TMEM117: variants seen among roughly 807,000 people sequenced by gnomAD.
TMEM117 encodes transmembrane protein 117.
In TMEM117, 27 loss-of-function variants were observed where a neutral mutation model predicts 52.4. The ratio of observed to expected loss-of-function variants is 0.51; its 90% CI spans 0.38 to 0.71. TMEM117 has a LOEUF of 0.71. Ranked by LOEUF, TMEM117 falls within the 30% of genes least tolerant of loss-of-function variation. The probability of loss-of-function intolerance (pLI) is 0.00; values close to 1 mark genes in which losing one functional copy is unlikely to be tolerated. For missense variants in TMEM117, 556 were observed against 630.5 expected (o/e 0.88, Z 1.26); for synonymous variants, 215 against 206.3 (o/e 1.04, Z -0.36).
chr12:44,136,765 T>A (rs905750722), intron 3 of TMEM117, among the ~76,000 whole-genome samples: 17 of 152,152 alleles, frequency 1.1e-4, no homozygotes, highest in Admixed American at 1.0e-3. Flanking sequence ...TTACAGCATG[T>A]GTTGCAGAAA....
intron 6 of TMEM117, among the ~76,000 whole-genome samples, chr12:44,351,924 T>C (rs1179196309): frequency 6.6e-6 from 1 of 151,960 alleles, no homozygotes; most frequent in Non-Finnish European, 1.5e-5. Context: ...CATTAGTAGA[T>C]ATATCACCAT....
intron 3 of TMEM117, among the ~76,000 whole-genome samples, chr12:44,106,118 A>G (rs1409893220): frequency 6.6e-6 from 1 of 151,888 alleles, no homozygotes; most frequent in Admixed American, 6.6e-5. Flanking sequence ...TTCTGTATTC[A>G]CCTGTCTGTC....
the TMEM117 span, chr12:43,797,040 G>C: frequency 3.7e-5 from 59 of 1,611,304 alleles, no homozygotes; most frequent in Admixed American, 6.7e-5. Context: ...CTTGCAGCTA[G>C]AATACAGCAT....
At chr12:43,827,956 G>A in the TMEM117 span, among the ~76,000 whole-genome samples, 1 of 152,170 alleles carries the variant, frequency 6.6e-6, no homozygotes, top group Admixed American at 6.5e-5. Context: ...TTGGAGTGAT[G>A]CGTCTGCAAG....
At chr12:44,031,906 A>G (rs1946638691) in intron 3 of TMEM117, among the ~76,000 whole-genome samples, 1 of 152,228 alleles carries the variant, frequency 6.6e-6, no homozygotes, top group South Asian at 2.1e-4. Flanking sequence ...TTAAGGAATC[A>G]AATTTGACTT....
At chr12:44,047,029 T>A (rs111754432) in intron 3 of TMEM117, among the ~76,000 whole-genome samples, 11,278 of 152,174 alleles carry the variant, frequency 0.074, 448 homozygotes, top group South Asian at 0.12. Flanking sequence ...TAATACTGAG[T>A]ATCAACTTGA....
intron 5 of TMEM117, among the ~76,000 whole-genome samples, chr12:44,258,260 A>C (rs1435637798): frequency 6.6e-6 from 1 of 151,954 alleles, no homozygotes; most frequent in African/African-American, 2.4e-5. Context: ...ACATTCAAAA[A>C]TGTTTTTATA....
At chr12:44,189,660 G>A (rs970404293) in intron 4 of TMEM117, among the ~76,000 whole-genome samples, 3 of 152,156 alleles carry the variant, frequency 2.0e-5, no homozygotes, top group Non-Finnish European at 4.4e-5. Flanking sequence ...ACGTAAAAGG[G>A]AAGTAAAAAG....
chr12:44,071,467 A>T (rs842207), intron 3 of TMEM117, among the ~76,000 whole-genome samples: 32,092 of 152,218 alleles, frequency 0.21, 4,370 homozygotes, highest in African/African-American at 0.39. Flanking sequence ...TAACCTATGA[A>T]GCTGCAAATG....
chr12:43,801,415 G>A, the TMEM117 span, among the ~76,000 whole-genome samples: 1 of 152,090 alleles, frequency 6.6e-6, no homozygotes, highest in South Asian at 2.1e-4. Context: ...GGAATGGGAT[G>A]ATCTTTTGAG....
intron 3 of TMEM117, among the ~76,000 whole-genome samples, chr12:43,996,094 A>T (rs1946025789): frequency 6.6e-6 from 1 of 152,260 alleles, no homozygotes; most frequent in Non-Finnish European, 1.5e-5. Context: ...TTACTGTTTC[A>T]TGCTGATTGT....
intron 3 of TMEM117, among the ~76,000 whole-genome samples, chr12:43,945,569 C>T (rs1383403684): frequency 6.6e-6 from 1 of 152,160 alleles, no homozygotes; most frequent in Non-Finnish European, 1.5e-5. Flanking sequence ...GTGATCCACC[C>T]GCTTTGGCCT....
chr12:44,102,307 C>G (rs1019702087), intron 3 of TMEM117, among the ~76,000 whole-genome samples: 3 of 151,946 alleles, frequency 2.0e-5, no homozygotes, highest in Admixed American at 6.6e-5. Flanking sequence ...TTAAACTCCC[C>G]AAATCTGTTC....
chr12:44,062,539 G>T (rs1947156002), intron 3 of TMEM117, among the ~76,000 whole-genome samples: 1 of 152,190 alleles, frequency 6.6e-6, no homozygotes, highest in Non-Finnish European at 1.5e-5. Context: ...GGTTTAGAAT[G>T]TTGCTGATGA....
chr12:44,147,163 G>A lies in TMEM117; in HGVS notation c.510+3539G>A, dbSNP rs117471259. 6.7e-4 allele frequency among the ~76,000 whole-genome samples: 102 copies of A among 152,292 alleles called. 1 individual carries two copies. Among genetic ancestry groups the A allele is most frequent in the African/African-American group, 1.2e-3 (50 of 41,564 alleles). ...GTAAGAAATACGTAAAGTGCTGAGCGATGTAATCCACATTGAGCTGGGTCT... is the reference window on the plus strand; with the variant it reads ...GTAAGAAATACGTAAAGTGCTGAGCAATGTAATCCACATTGAGCTGGGTCT... On this transcript the variant is annotated intron_variant, in intron 4 of 7. Transcript: ENST00000266534.
intron 3 of TMEM117, among the ~76,000 whole-genome samples, chr12:44,012,345 A>T (rs1444087544): frequency 1.3e-5 from 2 of 149,592 alleles, no homozygotes; most frequent in Admixed American, 1.3e-4. Context: ...GTCTAACATT[A>T]ATTTGGAAAA....
At chr12:43,819,083 A>C in the TMEM117 span, among the ~76,000 whole-genome samples, 1 of 152,154 alleles carries the variant, frequency 6.6e-6, no homozygotes, top group African/African-American at 2.4e-5. Context: ...ACATTACCCC[A>C]CAGCTAGGGA....
At chr12:44,156,658 C>T (rs1345056997) in intron 4 of TMEM117, among the ~76,000 whole-genome samples, 1 of 151,938 alleles carries the variant, frequency 6.6e-6, no homozygotes, top group African/African-American at 2.4e-5. Context: ...TATTCTATGT[C>T]AAAATCAGAT....
intron 4 of TMEM117, among the ~76,000 whole-genome samples, chr12:44,171,967 G>A (rs910903180): frequency 6.6e-6 from 1 of 152,184 alleles, no homozygotes; most frequent in South Asian, 2.1e-4. Flanking sequence ...GCTCAAGGGA[G>A]CTAACATCCC....
Sources: allele counts gnomAD v4.1 joint callset (sites outside exome capture counted in the v4.1 genomes callset), GRCh38; gene constraint gnomAD v4.1.1; transcripts MANE v1.5; gene names NCBI Gene and HGNC (gene_info 2026-07-23, HGNC 2026-07-21).